ZSCAN1: variants seen among roughly 807,000 people sequenced by gnomAD.
ZSCAN1 encodes zinc finger and SCAN domain-containing protein 1.
In ZSCAN1, 23 loss-of-function variants were observed where a neutral mutation model predicts 23.8. The ratio of observed to expected loss-of-function variants is 0.97; its 90% CI spans 0.70 to 1.37. ZSCAN1 has a LOEUF of 1.37. Ranked by LOEUF, ZSCAN1 falls within the 40% of genes most tolerant of loss-of-function variation. The pLI is 0.00. For synonymous variants in ZSCAN1, 236 were observed against 232.3 expected (o/e 1.02, Z -0.15); for missense variants, 575 against 554.0 (o/e 1.04, Z -0.38).
chr19:58,040,655 G>A lies in ZSCAN1; in HGVS notation c.465+111G>A, dbSNP rs1013330457. ...AGGACTGTGTGAGGTTGTCCCCAGCGCTCCCAGGAAGCCCGGCCTCCAAAC... is the reference window on the plus strand; with the variant it reads ...AGGACTGTGTGAGGTTGTCCCCAGCACTCCCAGGAAGCCCGGCCTCCAAAC... On this transcript the variant is annotated intron_variant, in intron 4 of 5. Coordinates refer to ENST00000282326, the MANE Select transcript of ZSCAN1 (RefSeq NM_182572.4). This position sits in a 1 kb window ranked among gnomAD's most constrained non-coding sequence, Gnocchi z 5.8. 2.4e-5 allele frequency: 26 copies of A among 1,090,540 alleles called. No homozygotes were observed. The highest frequency in any genetic ancestry group is 9.7e-5 in the East Asian group (4 of 41,112). The allele number at this position is 1,090,540 out of a possible 1,614,324, so 67.6% of individuals were successfully genotyped here. A position where few individuals can be genotyped will look rare whatever the true frequency, so the allele number is the denominator to read the frequency against.
At position 58,053,391 on chromosome 19, in the gene ZSCAN1, AC is replaced by A; in HGVS notation, c.605-37del. On this transcript the variant is annotated intron_variant, in intron 5 of 5. Coordinates refer to ENST00000282326, the MANE Select transcript of ZSCAN1 (RefSeq NM_182572.4). The surrounding 1 kb of genome is among the most constrained non-coding windows in gnomAD (Gnocchi z 5.8). ...GCACAGGGAGATGCCAAGGCCATCC[AC>A]TCACTACAGGTGACCCATCTCCCTC... 1 of 1,574,816 alleles carries A rather than the reference AC, an allele frequency of 6.3e-7. No individual in the cohort carries two copies. Among genetic ancestry groups the A allele is most frequent in the Admixed American group, 1.7e-5 (1 of 57,720 alleles).
intron 4 of ZSCAN1, chr19:58,048,957 C>T (rs1015797370): frequency 1.3e-5 from 2 of 152,234 alleles, no homozygotes; most frequent in African/African-American, 4.8e-5. Flanking sequence ...CTACACTGGT[C>T]TTGAACTCCT....
chr19:58,035,502 G>A (rs1438930503), intron 1 of ZSCAN1: 1 of 152,264 alleles, frequency 6.6e-6, no homozygotes, highest in Non-Finnish European at 1.5e-5. Flanking sequence ...GAGTCTCCAG[G>A]GTGAGCTGCC....
chr19:58,038,241 CA>C, intron 3 of ZSCAN1, 35 bp downstream of exon 3: 2 of 1,574,030 alleles, frequency 1.3e-6, no homozygotes, highest in Non-Finnish European at 1.7e-6. Flanking sequence ...CGGGCCGGGC[CA>C]GGGGGCCTGA....
At chr19:58,044,499 A>C in intron 4 of ZSCAN1, 1 of 403,256 alleles carries the variant, frequency 2.5e-6, no homozygotes. Flanking sequence ...GCGCCTGAGG[A>C]GCCACCGAGA....
chr19:58,054,270 A>G lies in ZSCAN1; in HGVS notation c.*219A>G. ...GTCTCAGCTGAGAAGCAGCAGTTCC[A>G]CAGCACAGCCTGGTCAGTCCTGCGC... On this transcript the variant is annotated 3_prime_UTR_variant, in exon 6 of 6. Coordinates refer to ENST00000282326, the MANE Select transcript of ZSCAN1 (RefSeq NM_182572.4). The surrounding 1 kb of genome is among the most constrained non-coding windows in gnomAD (Gnocchi z 4.2). 1.7e-6 allele frequency: 1 copy of G among 574,780 alleles called. No homozygotes were observed. Among genetic ancestry groups the G allele is most frequent in the Non-Finnish European group, 3.0e-6 (1 of 338,292 alleles). 35.6% of individuals were successfully genotyped at this position (574,780 alleles called of 1,614,324 possible).
chr19:58,044,615 C>G (rs964704208), intron 4 of ZSCAN1: 3 of 1,050,688 alleles, frequency 2.9e-6, no homozygotes, highest in Admixed American at 2.1e-5. Context: ...GAGGAGCTGC[C>G]GCGGCTGGGC....
Position 58,049,209 on chromosome 19 carries a change from T to A in ZSCAN1, c.466-3281T>A, listed in dbSNP as rs2073843821. On this transcript the variant is annotated intron_variant, in intron 4 of 5. Transcript: ENST00000282326. This position sits in a 1 kb window ranked among gnomAD's most constrained non-coding sequence, Gnocchi z 4.5. ...GGGGGGTGATCCTATCAATTTGCCA[T>A]CCAGCTCCTGTTCTTTCCGTTCCAA... The A allele has an allele frequency of 2.0e-5, 3 of 153,844 alleles. No individual in the cohort carries two copies. The Admixed American group carries it at 2.0e-4, about 10-fold the overall frequency. 9.5% of individuals were successfully genotyped at this position (153,844 alleles called of 1,614,324 possible).
rs1241104407 is a variant in ZSCAN1 at position 58,040,181 on chromosome 19, AGT to A, written c.371-262_371-261del. Among the ~76,000 whole-genome samples, 3 of 152,186 alleles carry A rather than the reference AGT, an allele frequency of 2.0e-5. No individual in the cohort carries two copies. The highest frequency in any genetic ancestry group is 4.8e-5 in the African/African-American group (2 of 41,454). ...GGCCTCCCTAGTTAGTCAGTGCTGCAGTGTGTGTCCTCGTGGGCTTCTGGAGG... is the reference window on the plus strand; with the variant it reads ...GGCCTCCCTAGTTAGTCAGTGCTGCAGTGTGTCCTCGTGGGCTTCTGGAGG... On this transcript the variant is annotated intron_variant, in intron 3 of 5. Transcript: ENST00000282326. The surrounding 1 kb of genome is among the most constrained non-coding windows in gnomAD (Gnocchi z 5.8).
intron 4 of ZSCAN1, among the ~76,000 whole-genome samples, chr19:58,041,424 C>T (rs1599902311): frequency 6.6e-6 from 1 of 152,192 alleles, no homozygotes; most frequent in African/African-American, 2.4e-5. Context: ...GACCTCCACA[C>T]GAGGCACTAC....
intron 3 of ZSCAN1, 90 bp downstream of exon 3, chr19:58,038,296 C>T (rs1418158608): frequency 6.9e-7 from 1 of 1,454,406 alleles, no homozygotes; most frequent in Non-Finnish European, 9.2e-7. Flanking sequence ...CCACATCGCT[C>T]CCACCCCTGC....
At position 58,054,165 on chromosome 19, in the gene ZSCAN1, C is replaced by T. The variant is rs1325323636; in HGVS notation, c.*114C>T. 1.5e-6 allele frequency: 2 copies of T among 1,334,458 alleles called. No individual in the cohort carries two copies. The highest frequency in any genetic ancestry group is 2.0e-6 in the Non-Finnish European group (2 of 1,011,858). 82.7% of individuals were successfully genotyped at this position (1,334,458 alleles called of 1,614,324 possible). A position where few individuals can be genotyped will look rare whatever the true frequency, so the allele number is the denominator to read the frequency against. On this transcript the variant is annotated 3_prime_UTR_variant, in exon 6 of 6. Coordinates refer to ENST00000282326, the MANE Select transcript of ZSCAN1 (RefSeq NM_182572.4). This position sits in a 1 kb window ranked among gnomAD's most constrained non-coding sequence, Gnocchi z 4.2. ...ACCAACCCCTGGCCACCTTGGGACT[C>T]CTCTTGAAGGACACAAGCTGTTTCT...
intron 4 of ZSCAN1, chr19:58,046,811 C>A: frequency 1.4e-6 from 1 of 737,974 alleles, no homozygotes. Context: ...GCACTGCCAC[C>A]CTGGTGAGGG....
At chr19:58,037,416 G>A (rs1030290719) in intron 2 of ZSCAN1, among the ~76,000 whole-genome samples, 1 of 147,484 alleles carries the variant, frequency 6.8e-6, no homozygotes, top group Non-Finnish European at 1.5e-5. Flanking sequence ...TGTTCAGAAA[G>A]TCATGGAGGT....
In ZSCAN1 at chr19:58,045,817, TC is replaced by T; in HGVS notation, c.465+5276del. The T allele has an allele frequency of 6.6e-7, 1 of 1,514,978 alleles. No homozygotes were observed. Among genetic ancestry groups the T allele is most frequent in the Non-Finnish European group, 9.2e-7 (1 of 1,090,338 alleles). 93.8% of individuals were successfully genotyped at this position (1,514,978 alleles called of 1,614,324 possible). ...GATCCCCACATCGCTGCTCATCCTG[TC>T]CCGGACCATGTAGCTCCCGGACACC... On this transcript the variant is annotated intron_variant, in intron 4 of 5. Transcript: ENST00000282326. This position sits in a 1 kb window ranked among gnomAD's most constrained non-coding sequence, Gnocchi z 4.3.
chr19:58,056,121 G>C (rs563823100), downstream of ZSCAN1, among the ~76,000 whole-genome samples: 1 of 152,264 alleles, frequency 6.6e-6, no homozygotes, highest in African/African-American at 2.4e-5. Flanking sequence ...AATGCCTGCA[G>C]CTGCCTCTAA....
chr19:58,043,460 A>G (rs1444494715), intron 4 of ZSCAN1, among the ~76,000 whole-genome samples: 1 of 152,234 alleles, frequency 6.6e-6, no homozygotes, highest in Admixed American at 6.5e-5. Context: ...ACACTTGTAT[A>G]AAGCACTTGC....
chr19:58,054,322 A>G lies in ZSCAN1; in HGVS notation c.*271A>G, dbSNP rs1166331514. 1.8e-5 allele frequency: 7 copies of G among 392,308 alleles called. No individual in the cohort carries two copies. The highest frequency in any genetic ancestry group is 3.2e-5 in the Non-Finnish European group (7 of 220,948). The allele number at this position is 392,308 out of a possible 1,614,324, so 24.3% of individuals were successfully genotyped here. ...CTATAGTTTTGCAAGTGGCTTGAAG[A>G]GGAGTTTCATTCGCGTCCCATCTTT... is the stretch of plus-strand genomic sequence containing the variant. On this transcript the variant is annotated 3_prime_UTR_variant, in exon 6 of 6. Coordinates refer to ENST00000282326, the MANE Select transcript of ZSCAN1 (RefSeq NM_182572.4). This position sits in a 1 kb window ranked among gnomAD's most constrained non-coding sequence, Gnocchi z 4.2.
At position 58,037,805 on chromosome 19, in the gene ZSCAN1, A is replaced by C; in HGVS notation, c.-32A>C. On this transcript the variant is annotated 5_prime_UTR_variant, in exon 3 of 6. Transcript: ENST00000282326. ...CTGGGACTCGGGATCCAGTCCACACACACCCCTCAGAGGGGCACTGTGGCC... is the reference window on the plus strand; with the variant it reads ...CTGGGACTCGGGATCCAGTCCACACCCACCCCTCAGAGGGGCACTGTGGCC... The C allele has an allele frequency of 1.4e-6, 2 of 1,442,132 alleles. No homozygotes were observed. The highest frequency in any genetic ancestry group is 1.8e-6 in the Non-Finnish European group (2 of 1,100,964). 89.3% of individuals were successfully genotyped at this position (1,442,132 alleles called of 1,614,324 possible).
Sources: gnomAD v4.1 joint callset for allele counts (sites outside exome capture counted in the v4.1 genomes callset) on GRCh38, gnomAD v4.1.1 for gene constraint, Gnocchi (gnomAD v3.1) non-coding constraint, MANE v1.5 for transcripts, NCBI Gene and HGNC (gene_info 2026-07-23, HGNC 2026-07-21) for gene names.